The following NCEH1 variants were observed in gnomAD, a reference collection of about 807,000 sequenced individuals.
NCEH1 encodes neutral cholesterol ester hydrolase 1.
Under a neutral mutation model 25.4 loss-of-function variants are expected in NCEH1, and 9 were observed. The ratio of observed to expected loss-of-function variants is 0.35; its 90% confidence interval spans 0.21 to 0.62. The LOEUF (loss-of-function observed/expected upper bound fraction) is 0.62. NCEH1 is among the 20% of genes least tolerant of loss of function. The pLI, the probability that NCEH1 is intolerant of heterozygous loss-of-function variation, is 0.72. For synonymous variants in NCEH1, 200 were observed against 199.8 expected (o/e 1.00, Z -0.01); for missense variants, 412 against 501.1 (o/e 0.82, Z 1.70).
At chr3:172,667,425 G>A (rs1225774548) in intron 1 of NCEH1, among the ~76,000 whole-genome samples, 3 of 152,148 alleles carry the variant, frequency 2.0e-5, no homozygotes, top group Admixed American at 6.5e-5. Context: ...CGTTTTTTGG[G>A]GAGCCAGGCA....
At chr3:172,649,457 A>G (rs981453616) in intron 1 of NCEH1, among the ~76,000 whole-genome samples, 3 of 152,212 alleles carry the variant, frequency 2.0e-5, no homozygotes, top group Non-Finnish European at 2.9e-5. Context: ...TTCAACTTCT[A>G]CATGTGCCCT....
intron 1 of NCEH1, among the ~76,000 whole-genome samples, chr3:172,664,847 T>G (rs1718131528): frequency 6.6e-6 from 1 of 152,202 alleles, no homozygotes; most frequent in African/African-American, 2.4e-5. Context: ...TTATTCTAGT[T>G]AGCCATTTGT....
At chr3:172,693,329 C>G (rs990445454) in intron 1 of NCEH1, among the ~76,000 whole-genome samples, 3 of 152,158 alleles carry the variant, frequency 2.0e-5, no homozygotes, top group African/African-American at 4.8e-5. Context: ...TAAAAAGACC[C>G]TGAAAGCAAA....
At chr3:172,656,793 C>T (rs1384451764) in intron 1 of NCEH1, among the ~76,000 whole-genome samples, 1 of 152,136 alleles carries the variant, frequency 6.6e-6, no homozygotes, top group Non-Finnish European at 1.5e-5. Flanking sequence ...TTTTCAAAGA[C>T]TGCCCTCTTT....
intron 1 of NCEH1, among the ~76,000 whole-genome samples, chr3:172,662,955 A>G (rs1718037332): frequency 6.6e-6 from 1 of 151,804 alleles, no homozygotes; most frequent in African/African-American, 2.4e-5. Context: ...TTGTGTCTCT[A>G]TCTCCTTCAG....
At chr3:172,666,971 T>A (rs557528110) in intron 1 of NCEH1, among the ~76,000 whole-genome samples, 18 of 152,268 alleles carry the variant, frequency 1.2e-4, no homozygotes, top group African/African-American at 4.1e-4. Flanking sequence ...CGGCTAGTAA[T>A]CCTCTGGCGA....
intron 1 of NCEH1, among the ~76,000 whole-genome samples, chr3:172,673,940 T>C (rs778335055): frequency 9.2e-5 from 14 of 152,202 alleles, no homozygotes; most frequent in Admixed American, 3.3e-4. Context: ...CCGAGCTTTT[T>C]ACTTGGGAAT....
intron 3 of NCEH1, among the ~76,000 whole-genome samples, chr3:172,644,737 C>T (rs1248529173): frequency 6.6e-6 from 1 of 152,138 alleles, no homozygotes; most frequent in Admixed American, 6.5e-5. Flanking sequence ...TCACCATATG[C>T]CAGGGATGTT....
chr3:172,705,261 A>G (rs955225892), intron 1 of NCEH1, among the ~76,000 whole-genome samples: 6 of 152,190 alleles, frequency 3.9e-5, no homozygotes, highest in Admixed American at 3.3e-4. Context: ...CTTGCACCTC[A>G]GCCTCTGTAA....
chr3:172,666,212 A>C (rs1718199535), intron 1 of NCEH1, among the ~76,000 whole-genome samples: 1 of 152,128 alleles, frequency 6.6e-6, no homozygotes, highest in South Asian at 2.1e-4. Flanking sequence ...CCAATATGGC[A>C]ACTCCTGCCT....
At chr3:172,643,365 C>T (rs1007253054) in intron 3 of NCEH1, among the ~76,000 whole-genome samples, 1 of 152,170 alleles carries the variant, frequency 6.6e-6, no homozygotes, top group Non-Finnish European at 1.5e-5. Flanking sequence ...TCACTGTTTT[C>T]CCAGTAGCTC....
chr3:172,671,703 C>A (rs1321525275), intron 1 of NCEH1, among the ~76,000 whole-genome samples: 2 of 150,584 alleles, frequency 1.3e-5, no homozygotes, highest in African/African-American at 4.9e-5. Context: ...ATTACACATG[C>A]ACATATCAGG....
chr3:172,649,928 C>T (rs1283812772), intron 1 of NCEH1, among the ~76,000 whole-genome samples: 4 of 152,240 alleles, frequency 2.6e-5, no homozygotes, highest in Non-Finnish European at 5.9e-5. Context: ...AGACAAATTA[C>T]ATGAGTTTCT....
Position 172,632,523 on chromosome 3 carries a change from C to A in NCEH1, c.*952G>T, listed in dbSNP as rs372681576. 2 of 152,556 alleles carry A rather than the reference C, an allele frequency of 1.3e-5. No homozygotes were observed. Among genetic ancestry groups the A allele is most frequent in the East Asian group, 1.9e-4 (1 of 5,186 alleles). 9.5% of individuals were successfully genotyped at this position (152,556 alleles called of 1,614,324 possible). On this transcript the variant is annotated 3_prime_UTR_variant, in exon 5 of 5. Transcript: ENST00000475381. ...ATTGAGTTTTCAATAATAGACTAGACCTTCTAAAGGTATTTTTAACAATTT... is the reference window on the plus strand; with the variant it reads ...ATTGAGTTTTCAATAATAGACTAGAACTTCTAAAGGTATTTTTAACAATTT...
At chr3:172,669,772 C>G (rs1380946271) in intron 1 of NCEH1, among the ~76,000 whole-genome samples, 1 of 152,148 alleles carries the variant, frequency 6.6e-6, no homozygotes, top group Non-Finnish European at 1.5e-5. Context: ...CCTGACCTCA[C>G]GTGATCCACC....
chr3:172,650,184 G>A (rs1385062099), intron 1 of NCEH1, among the ~76,000 whole-genome samples: 2 of 152,204 alleles, frequency 1.3e-5, no homozygotes, highest in Non-Finnish European at 2.9e-5. Context: ...ACACAGTGGT[G>A]TGGGGGTAGA....
At chr3:172,641,591 C>T (rs994973408) in intron 3 of NCEH1, among the ~76,000 whole-genome samples, 48 of 152,358 alleles carry the variant, frequency 3.2e-4, no homozygotes, top group African/African-American at 1.1e-3. Flanking sequence ...CAAGGAGCTG[C>T]TGGCTCCAGA....
chr3:172,708,388 T>C (rs1345661554), intron 1 of NCEH1, among the ~76,000 whole-genome samples: 1 of 152,118 alleles, frequency 6.6e-6, no homozygotes. Flanking sequence ...AGAGTTTCAC[T>C]CTTGTTGCCC....
intron 1 of NCEH1, among the ~76,000 whole-genome samples, chr3:172,694,280 G>A (rs1489065049): frequency 6.6e-6 from 1 of 152,148 alleles, no homozygotes; most frequent in Non-Finnish European, 1.5e-5. Context: ...AGACAGAAAA[G>A]GCTACTAAGC....
Sources: allele counts gnomAD v4.1 joint callset (sites outside exome capture counted in the v4.1 genomes callset), GRCh38; gene constraint gnomAD v4.1.1; transcripts MANE v1.5; gene names NCBI Gene and HGNC (gene_info 2026-07-23, HGNC 2026-07-21).